The following WDFY2 variants were observed in gnomAD, a reference collection of about 807,000 sequenced individuals.
WDFY2 encodes the protein WD repeat and FYVE domain-containing protein 2.
WDFY2 carries 36 observed loss-of-function variants against 56.4 expected under a neutral mutation model. The observed-to-expected ratio is 0.64, with a 90% CI of 0.49 to 0.84. The LOEUF (loss-of-function observed/expected upper bound fraction) is 0.84, where lower values mean the gene tolerates loss of function less well. WDFY2 is among the 40% of genes least tolerant of loss of function. The pLI is 0.00. For synonymous variants in WDFY2, 176 were observed against 183.7 expected (o/e 0.96, Z 0.34); for missense variants, 444 against 512.2 (o/e 0.87, Z 1.29).
chr13:51,744,574 A>G, intron 7 of WDFY2, among the ~76,000 whole-genome samples: 1 of 152,166 alleles, frequency 6.6e-6, no homozygotes, highest in East Asian at 1.9e-4. Context: ...CTCCAATTAT[A>G]TGTTTGGACC....
intron 1 of WDFY2, among the ~76,000 whole-genome samples, chr13:51,607,177 T>C (rs1489586838): frequency 6.6e-6 from 1 of 152,222 alleles, no homozygotes; most frequent in Admixed American, 6.5e-5. Flanking sequence ...CACCTTTAAG[T>C]ATCTCTGAAA....
chr13:51,666,474 G>A (rs369299423), intron 2 of WDFY2, among the ~76,000 whole-genome samples: 3 of 152,326 alleles, frequency 2.0e-5, no homozygotes, highest in African/African-American at 7.2e-5. Flanking sequence ...GATTACATTA[G>A]AACATGAGAA....
At chr13:51,609,350 C>T (rs539813440) in intron 1 of WDFY2, among the ~76,000 whole-genome samples, 2 of 152,082 alleles carry the variant, frequency 1.3e-5, no homozygotes, top group African/African-American at 2.4e-5. Flanking sequence ...TCTTTTTAGT[C>T]CTCAAAAGAT....
intron 2 of WDFY2, among the ~76,000 whole-genome samples, chr13:51,669,866 G>T (rs1040296389): frequency 5.3e-5 from 8 of 152,110 alleles, no homozygotes; most frequent in Non-Finnish European, 1.2e-4. Context: ...TTAAAAGTGG[G>T]GGTCATAAAT....
At chr13:51,714,671 T>C (rs1952303958) in intron 4 of WDFY2, among the ~76,000 whole-genome samples, 1 of 152,044 alleles carries the variant, frequency 6.6e-6, no homozygotes, top group African/African-American at 2.4e-5. Flanking sequence ...CCTCAAAGAG[T>C]TAAATATAAA....
At chr13:51,627,226 G>C (rs1188037062) in intron 1 of WDFY2, among the ~76,000 whole-genome samples, 1 of 152,214 alleles carries the variant, frequency 6.6e-6, no homozygotes, top group Admixed American at 6.5e-5. Flanking sequence ...GGAGCTCCTT[G>C]CTCTGGGATC....
chr13:51,625,074 C>T (rs968450647), intron 1 of WDFY2, among the ~76,000 whole-genome samples: 2 of 152,146 alleles, frequency 1.3e-5, no homozygotes, highest in Admixed American at 6.5e-5. Context: ...TGTTGTGTGA[C>T]AGCTAACTAG....
At chr13:51,645,298 T>C (rs1286053096) in intron 1 of WDFY2, among the ~76,000 whole-genome samples, 1 of 152,112 alleles carries the variant, frequency 6.6e-6, no homozygotes, top group African/African-American at 2.4e-5. Flanking sequence ...ATTCAGGGCC[T>C]TCAAAACCCA....
intron 3 of WDFY2, among the ~76,000 whole-genome samples, chr13:51,690,451 T>A (rs546397479): frequency 6.6e-6 from 1 of 150,778 alleles, no homozygotes; most frequent in African/African-American, 2.4e-5. Context: ...TGGTGTTTGG[T>A]TTTTTGTTCT....
At chr13:51,628,550 G>A (rs1432270616) in intron 1 of WDFY2, among the ~76,000 whole-genome samples, 2 of 152,156 alleles carry the variant, frequency 1.3e-5, no homozygotes, top group Admixed American at 6.5e-5. Flanking sequence ...ACTCGGTAGG[G>A]GGCAGGGTTT....
At chr13:51,641,370 G>C (rs1347942986) in intron 1 of WDFY2, among the ~76,000 whole-genome samples, 3 of 151,918 alleles carry the variant, frequency 2.0e-5, no homozygotes, top group African/African-American at 7.3e-5. Context: ...CAGCCAGCCT[G>C]TTCATGGAGC....
intron 2 of WDFY2, among the ~76,000 whole-genome samples, chr13:51,662,191 G>GA (rs1365505483): frequency 6.6e-5 from 10 of 152,132 alleles, no homozygotes; most frequent in Admixed American, 4.6e-4. Context: ...GGCTGGTTTC[G>GA]AACTCCTGAC....
chr13:51,740,810 A>G (rs532234983), intron 7 of WDFY2, among the ~76,000 whole-genome samples: 4 of 152,302 alleles, frequency 2.6e-5, no homozygotes, highest in African/African-American at 9.6e-5. Context: ...TCTCTCAGAG[A>G]AGTGAAATGC....
At chr13:51,629,378 A>T (rs996950863) in intron 1 of WDFY2, among the ~76,000 whole-genome samples, 2 of 152,230 alleles carry the variant, frequency 1.3e-5, no homozygotes, top group African/African-American at 4.8e-5. Flanking sequence ...TATTATGTTT[A>T]TGAAGCATGG....
chr13:51,746,733 G>T (rs1953113969), intron 7 of WDFY2, among the ~76,000 whole-genome samples: 1 of 152,208 alleles, frequency 6.6e-6, no homozygotes, highest in Non-Finnish European at 1.5e-5. Context: ...GAAATTGTGG[G>T]TTAGAGATAG....
At chr13:51,621,456 G>T (rs1235145244) in intron 1 of WDFY2, among the ~76,000 whole-genome samples, 1 of 152,198 alleles carries the variant, frequency 6.6e-6, no homozygotes, top group Non-Finnish European at 1.5e-5. Flanking sequence ...AGTGAGCCAA[G>T]ATCGCGCCAC....
At chr13:51,655,748 T>G (rs1184649699) in intron 1 of WDFY2, among the ~76,000 whole-genome samples, 2 of 152,142 alleles carry the variant, frequency 1.3e-5, no homozygotes, top group African/African-American at 4.8e-5. Context: ...CATTCTCCTT[T>G]AAGTGTTTGA....
At chr13:51,686,669 G>C (rs1044845679) in intron 3 of WDFY2, among the ~76,000 whole-genome samples, 1 of 152,032 alleles carries the variant, frequency 6.6e-6, no homozygotes, top group Non-Finnish European at 1.5e-5. Context: ...TATAGAAAAA[G>C]AGATAATTAT....
intron 1 of WDFY2, chr13:51,591,834 C>G (rs1954049888): frequency 6.6e-6 from 1 of 152,166 alleles, no homozygotes; most frequent in South Asian, 2.1e-4. Context: ...GGGACCTAAA[C>G]CCTGCCAGCC....
Sources: gnomAD v4.1 joint callset for allele counts (sites outside exome capture counted in the v4.1 genomes callset) on GRCh38, gnomAD v4.1.1 for gene constraint, MANE v1.5 for transcripts, NCBI Gene and HGNC (gene_info 2026-07-23, HGNC 2026-07-21) for gene names.